The following ZFYVE28 variants were observed in gnomAD, a reference collection of about 807,000 sequenced individuals.
ZFYVE28 encodes the protein zinc finger FYVE-type containing 28.
In ZFYVE28, 40 loss-of-function variants were observed where a neutral mutation model predicts 82.1. That is an observed-to-expected ratio of 0.49 (90% CI 0.38 to 0.63). The LOEUF is 0.63. Ranked by LOEUF, ZFYVE28 falls within the 30% of genes least tolerant of loss-of-function variation. ZFYVE28 has a pLI of 0.00. For missense variants in ZFYVE28, 1,321 were observed against 1,242.1 expected (o/e 1.06, Z -0.96); for synonymous variants, 612 against 546.1 (o/e 1.12, Z -1.68).
chr4:2,325,144 G>A (rs985966814), intron 6 of ZFYVE28: 1 of 151,970 alleles, frequency 6.6e-6, no homozygotes, highest in Non-Finnish European at 1.5e-5. Flanking sequence ...CAAGCTTCAG[G>A]ATTTTTCTCT....
At chr4:2,318,461 G>T (rs1291599192) in intron 7 of ZFYVE28, among the ~76,000 whole-genome samples, 1 of 152,212 alleles carries the variant, frequency 6.6e-6, no homozygotes, top group Non-Finnish European at 1.5e-5. Flanking sequence ...AGGAGGCTGA[G>T]GCAGGAGAAT....
intron 1 of ZFYVE28, among the ~76,000 whole-genome samples, chr4:2,365,393 A>G (rs1726764519): frequency 6.6e-6 from 1 of 152,082 alleles, no homozygotes; most frequent in African/African-American, 2.4e-5. Context: ...TGCACGCAGC[A>G]GGGGCCTCTC....
chr4:2,368,217 A>AC (rs55790029), intron 1 of ZFYVE28, among the ~76,000 whole-genome samples: 14,129 of 145,442 alleles, frequency 0.097, 1,125 homozygotes, highest in East Asian at 0.12. Flanking sequence ...TCTACAAAAA[A>AC]AAAAAAAAAA....
intron 1 of ZFYVE28, among the ~76,000 whole-genome samples, chr4:2,376,941 A>G (rs1177517147): frequency 6.6e-6 from 1 of 152,126 alleles, no homozygotes; most frequent in East Asian, 1.9e-4. Context: ...AAATAAATAA[A>G]TAAAATAAAA....
At chr4:2,318,703 C>T (rs1278127329) in intron 7 of ZFYVE28, among the ~76,000 whole-genome samples, 4 of 152,112 alleles carry the variant, frequency 2.6e-5, no homozygotes, top group South Asian at 4.1e-4. Flanking sequence ...GGTGAGGTTC[C>T]CACATCAGGG....
intron 2 of ZFYVE28, 69 bp downstream of exon 2, chr4:2,353,864 C>T (rs1724838071): frequency 1.5e-6 from 2 of 1,332,434 alleles, no homozygotes; most frequent in Non-Finnish European, 1.9e-6. Context: ...AAGCCTTGGT[C>T]TACTGAGGAC....
chr4:2,357,767 C>T (rs1054548096), intron 1 of ZFYVE28, among the ~76,000 whole-genome samples: 3 of 152,188 alleles, frequency 2.0e-5, no homozygotes, highest in African/African-American at 7.2e-5. Context: ...TGGATGACAA[C>T]ACCTCCTGGA....
chr4:2,406,839 T>C (rs1215625494), intron 1 of ZFYVE28, among the ~76,000 whole-genome samples: 1 of 152,208 alleles, frequency 6.6e-6, no homozygotes, highest in African/African-American at 2.4e-5. Flanking sequence ...CCTGCTTTGA[T>C]TGGATTATTT....
chr4:2,352,624 A>G (rs1364774175), intron 2 of ZFYVE28, among the ~76,000 whole-genome samples: 1 of 152,088 alleles, frequency 6.6e-6, no homozygotes, highest in Admixed American at 6.6e-5. Context: ...GGCCTTCACT[A>G]TGCTGGGAGC....
intron 1 of ZFYVE28, among the ~76,000 whole-genome samples, chr4:2,389,574 G>T (rs1729614910): frequency 6.6e-6 from 1 of 152,220 alleles, no homozygotes; most frequent in East Asian, 1.9e-4. Context: ...GGGACAAGCT[G>T]CCCAAAATCT....
intron 8 of ZFYVE28, among the ~76,000 whole-genome samples, chr4:2,303,106 G>A (rs1175386916): frequency 2.6e-5 from 4 of 152,158 alleles, no homozygotes; most frequent in African/African-American, 7.2e-5. Flanking sequence ...GAGGGACACC[G>A]GGAACCAGGC....
Position 2,354,017 on chromosome 4 carries a change from C to A in ZFYVE28, c.96G>T (p.Gln32His). Residue 32 changes from glutamine (Q) to histidine (H), a missense_variant, in exon 2 of 13, where the codon CAG becomes CAT. This residue lies in a region of ZFYVE28 where 343 missense variants were observed against 408.4 expected (regional missense o/e 0.84). Coordinates refer to ENST00000290974, the MANE Select transcript of ZFYVE28 (RefSeq NM_020972.3). ...CCAGGCTGTCCAGCTCCGCGGCCAC[C>A]TGGTTCAGCTCCTCGTCGGCATAGT... The part of the protein sequence containing the change: ...RFYYADEELN[Q>H]VAAELDSLDG... 1 of 1,579,318 alleles carries A rather than the reference C, an allele frequency of 6.3e-7. No homozygotes were observed. The highest frequency in any genetic ancestry group is 8.6e-7 in the Non-Finnish European group (1 of 1,162,816).
intron 12 of ZFYVE28, 97 bp from the exon 13 acceptor site, chr4:2,270,953 G>A (rs568872055): frequency 7.3e-6 from 11 of 1,509,172 alleles, no homozygotes; most frequent in East Asian, 4.9e-5. Context: ...AGCTCAGGCC[G>A]CATTGGTGGG....
At chr4:2,316,930 G>C (rs1487086674) in intron 7 of ZFYVE28, among the ~76,000 whole-genome samples, 4 of 151,288 alleles carry the variant, frequency 2.6e-5, no homozygotes, top group African/African-American at 9.7e-5. Flanking sequence ...CTGACCTTGT[G>C]GTCCACCCAC....
intron 1 of ZFYVE28, among the ~76,000 whole-genome samples, chr4:2,367,985 C>G (rs1727067960): frequency 6.6e-6 from 1 of 152,120 alleles, no homozygotes; most frequent in African/African-American, 2.4e-5. Context: ...CCAGGTAGCT[C>G]CAGCCAGCAG....
At chr4:2,367,505 G>A (rs1727014566) in intron 1 of ZFYVE28, among the ~76,000 whole-genome samples, 1 of 152,236 alleles carries the variant, frequency 6.6e-6, no homozygotes, top group Admixed American at 6.5e-5. Flanking sequence ...TGTGGAAAAT[G>A]GAAACTTAAG....
At chr4:2,404,043 G>C (rs1010786541) in intron 1 of ZFYVE28, among the ~76,000 whole-genome samples, 3 of 151,190 alleles carry the variant, frequency 2.0e-5, no homozygotes. Flanking sequence ...AAGATGGGCC[G>C]GGCATGGTGG....
In ZFYVE28 at chr4:2,337,433, G is replaced by A. The variant is rs535750345; in HGVS notation, c.585C>T (p.Ile195=). The change falls in exon 5 of 13, where the codon ATC becomes ATT. Residue 195 remains isoleucine (I), a synonymous_variant. Transcript: ENST00000290974. ...PREYYVQQEV[I]VLFCETVERA... is the part of the protein sequence containing the mutation. Reference sequence around the variant, plus strand: ...TCTCCACCGTCTCGCAGAAGAGCACGATGACCTCCTGCTGCACGTAGTACT... The same window carrying A: ...TCTCCACCGTCTCGCAGAAGAGCACAATGACCTCCTGCTGCACGTAGTACT... 2.4e-5 allele frequency: 39 copies of A among 1,609,736 alleles called. No individual in the cohort carries two copies. The highest frequency in any genetic ancestry group is 2.3e-4 in the Admixed American group (14 of 59,610).
intron 1 of ZFYVE28, among the ~76,000 whole-genome samples, chr4:2,388,717 A>T (rs750075774): frequency 1.8e-4 from 27 of 152,292 alleles, no homozygotes; most frequent in South Asian, 4.1e-4. Flanking sequence ...GCTCAGCTCC[A>T]CTTCCGAGGG....
Sources: gnomAD v4.1 joint callset for allele counts (sites outside exome capture counted in the v4.1 genomes callset) on GRCh38, gnomAD v4.1.1 for gene constraint, gnomAD v4.1.1 regional missense constraint, MANE v1.5 for transcripts, NCBI Gene and HGNC (gene_info 2026-07-23, HGNC 2026-07-21) for gene names.